Variants in SMOC2 observed in about 807,000 individuals in gnomAD.
SMOC2 encodes SPARC related modular calcium binding 2.
A neutral mutation model predicts 61.4 loss-of-function variants in SMOC2; 39 were observed. That is an observed-to-expected ratio of 0.64 (90% CI 0.49 to 0.83). The LOEUF (loss-of-function observed/expected upper bound fraction) is 0.83. Among genes scored for constraint, SMOC2 ranks in the 40% least tolerant of loss-of-function variants. The pLI, the probability that SMOC2 is intolerant of heterozygous loss-of-function variation, is 0.00. For synonymous variants in SMOC2, 247 were observed against 239.9 expected (o/e 1.03, Z -0.27); for missense variants, 556 against 592.9 (o/e 0.94, Z 0.65).
chr6:168,617,844 C>T (rs1441088459), intron 9 of SMOC2, among the ~76,000 whole-genome samples: 1 of 152,256 alleles, frequency 6.6e-6, no homozygotes, highest in East Asian at 1.9e-4. Flanking sequence ...CTCCGCCATG[C>T]ATGGGACTGT....
intron 11 of SMOC2, among the ~76,000 whole-genome samples, chr6:168,656,670 C>T (rs1222082988): frequency 3.9e-5 from 6 of 152,104 alleles, no homozygotes; most frequent in Non-Finnish European, 5.9e-5. Context: ...CTCCTCTTCT[C>T]AGTGTCCTAG....
intron 4 of SMOC2, among the ~76,000 whole-genome samples, chr6:168,538,246 C>T (rs1395242366): frequency 1.4e-5 from 2 of 139,504 alleles, no homozygotes; most frequent in Admixed American, 1.4e-4. Context: ...GCGGGGTGGC[C>T]CCTGCTGGAA....
chr6:168,551,766 T>C (rs1784135424), intron 7 of SMOC2, among the ~76,000 whole-genome samples: 1 of 152,184 alleles, frequency 6.6e-6, no homozygotes, highest in African/African-American at 2.4e-5. Flanking sequence ...GAAATATAAA[T>C]GTACATTTTT....
At position 168,634,642 on chromosome 6, in the gene SMOC2, G is replaced by A. The variant is rs114195758; in HGVS notation, c.908-16039G>A. Among the ~76,000 whole-genome samples the A allele has an allele frequency of 8.1e-3, 1,239 of 152,298 alleles. 17 individuals carry two copies. The highest frequency in any genetic ancestry group is 0.039 in the South Asian group (189 of 4,822). ...GCATAGTGCAGCTGGTTTTCCAAGC[G>A]CTAGGCTACAAGACCAGAACTTGGC... On this transcript the variant is annotated intron_variant, in intron 9 of 12. Coordinates refer to ENST00000356284, the MANE Select transcript of SMOC2 (RefSeq NM_001166412.2).
chr6:168,482,058 A>G (rs1782218425), intron 1 of SMOC2, among the ~76,000 whole-genome samples: 1 of 151,938 alleles, frequency 6.6e-6, no homozygotes, highest in Non-Finnish European at 1.5e-5. Context: ...GATGAATGAA[A>G]TAGAAAACAG....
rs188063654 is a variant in SMOC2 at position 168,531,909 on chromosome 6, G to T, written c.463+4182G>T. Among the ~76,000 whole-genome samples, 9 of 152,256 alleles carry T rather than the reference G, an allele frequency of 5.9e-5. No homozygotes were observed. The East Asian group carries it at 1.7e-3, about 29-fold the overall frequency. ...ATTTACACTTGGCTGGAAGTCGGGC[G>T]TAGGAGAATGTGGGCAGAGATGGTC... On this transcript the variant is annotated intron_variant, in intron 4 of 12. Coordinates refer to ENST00000356284, the MANE Select transcript of SMOC2 (RefSeq NM_001166412.2).
At chr6:168,534,258 C>T (rs1783682824) in intron 4 of SMOC2, among the ~76,000 whole-genome samples, 1 of 152,120 alleles carries the variant, frequency 6.6e-6, no homozygotes, top group South Asian at 2.1e-4. Flanking sequence ...ACAGCCAACA[C>T]AGGATTTGTA....
intron 9 of SMOC2, among the ~76,000 whole-genome samples, chr6:168,640,748 G>A (rs1009141512): frequency 7.2e-5 from 11 of 152,168 alleles, no homozygotes; most frequent in African/African-American, 2.7e-4. Context: ...AGGGAATGTT[G>A]TAGAAAAAAA....
chr6:168,615,280 G>C (rs1332218108), intron 9 of SMOC2, among the ~76,000 whole-genome samples: 1 of 83,700 alleles, frequency 1.2e-5, no homozygotes, highest in African/African-American at 4.9e-5. Context: ...CCTACAGCCA[G>C]CATGGGGCCT....
chr6:168,449,746 T>G (rs1293508688), intron 1 of SMOC2, among the ~76,000 whole-genome samples: 2 of 152,260 alleles, frequency 1.3e-5, no homozygotes, highest in African/African-American at 2.4e-5. Context: ...CAAGCACTTC[T>G]GGACCCTCTA....
chr6:168,620,979 C>T lies in SMOC2; in HGVS notation c.907+12740C>T, dbSNP rs568722778. On this transcript the variant is annotated intron_variant, in intron 9 of 12. Coordinates refer to ENST00000356284, the MANE Select transcript of SMOC2 (RefSeq NM_001166412.2). Reference sequence around the variant, plus strand: ...GACACCCTGGATGACCAACCAAGGTCGAAAACTTCTCAAAACCTGGCTTGT... The same window carrying T: ...GACACCCTGGATGACCAACCAAGGTTGAAAACTTCTCAAAACCTGGCTTGT... Among the ~76,000 whole-genome samples the T allele has an allele frequency of 2.9e-4, 43 of 149,890 alleles. 1 individual carries two copies. Among genetic ancestry groups the T allele is most frequent in the South Asian group, 8.3e-4 (4 of 4,826 alleles).
At chr6:168,470,913 T>C (rs1781955507) in intron 1 of SMOC2, among the ~76,000 whole-genome samples, 1 of 152,166 alleles carries the variant, frequency 6.6e-6, no homozygotes, top group Non-Finnish European at 1.5e-5. Context: ...TTCACTGTCA[T>C]TTGAGGCATT....
At position 168,535,923 on chromosome 6, in the gene SMOC2, C is replaced by A. The variant is rs1035355840; in HGVS notation, c.464-7702C>A. On this transcript the variant is annotated intron_variant, in intron 4 of 12. Transcript: ENST00000356284. The surrounding 1 kb of genome is among the most constrained non-coding windows in gnomAD (Gnocchi z 4.6). ...GAGACGCATGAGCAGTGACAGGGAT[C>A]CTGGGGACACGTGAGGAATAACGCA... Among the ~76,000 whole-genome samples the A allele has an allele frequency of 6.6e-6, 1 of 152,206 alleles. No homozygotes were observed. The highest frequency in any genetic ancestry group is 2.1e-4 in the South Asian group (1 of 4,822).
At chr6:168,509,650 A>C (rs190156467) in intron 1 of SMOC2, among the ~76,000 whole-genome samples, 25 of 152,334 alleles carry the variant, frequency 1.6e-4, no homozygotes, top group Admixed American at 1.6e-3. Flanking sequence ...CACCCCCTTC[A>C]AAGATCAATG....
intron 1 of SMOC2, among the ~76,000 whole-genome samples, chr6:168,480,275 C>T (rs1016026325): frequency 6.6e-6 from 1 of 152,100 alleles, no homozygotes; most frequent in African/African-American, 2.4e-5. Flanking sequence ...CAACAGAAAA[C>T]TGTCCTTGAA....
intron 9 of SMOC2, among the ~76,000 whole-genome samples, chr6:168,643,980 G>A (rs1005685754): frequency 6.6e-6 from 1 of 152,232 alleles, no homozygotes; most frequent in Non-Finnish European, 1.5e-5. Context: ...ACACAGCTGG[G>A]ACATGCTCTT....
In SMOC2 at chr6:168,598,984, C is replaced by T; in HGVS notation, c.804C>T (p.Pro268=). 1 of 1,607,982 alleles carries T rather than the reference C, an allele frequency of 6.2e-7. No individual in the cohort carries two copies. The highest frequency in any genetic ancestry group is 8.5e-7 in the Non-Finnish European group (1 of 1,176,960). Residue 268 remains proline (P), a synonymous_variant, in exon 8 of 13, where the codon CCC becomes CCT. Transcript: ENST00000356284. ...CWCVLVDTGR[P]IPGTSTRYEQ... ...GCGTCCTGGTGGACACGGGGCGCCC[C>T]ATTCCCGGCACATCCACAAGGTAAA...
chr6:168,578,519 C>G lies in SMOC2; in HGVS notation c.638-20299C>G, dbSNP rs548502995. On this transcript the variant is annotated intron_variant, in intron 7 of 12. Coordinates refer to ENST00000356284, the MANE Select transcript of SMOC2 (RefSeq NM_001166412.2). Reference sequence around the variant, plus strand: ...TTTCAAGTCTAGCACATGCCCTGACCTTCCTTGCCCTTGGTGCAAAAGGGA... The same window carrying G: ...TTTCAAGTCTAGCACATGCCCTGACGTTCCTTGCCCTTGGTGCAAAAGGGA... Among the ~76,000 whole-genome samples, 6 of 152,294 alleles carry G rather than the reference C, an allele frequency of 3.9e-5. No individual in the cohort carries two copies. The South Asian group carries it at 1.2e-3, about 32-fold the overall frequency.
chr6:168,471,981 T>A (rs546369220), intron 1 of SMOC2, among the ~76,000 whole-genome samples: 1 of 152,246 alleles, frequency 6.6e-6, no homozygotes, highest in South Asian at 2.1e-4. Context: ...GCAAGTATTT[T>A]CTCCCACTCC....
Sources: allele counts gnomAD v4.1 joint callset (sites outside exome capture counted in the v4.1 genomes callset), GRCh38; gene constraint gnomAD v4.1.1; non-coding constraint Gnocchi (gnomAD v3.1); transcripts MANE v1.5; gene names NCBI Gene and HGNC (gene_info 2026-07-23, HGNC 2026-07-21).